The following RANBP2 variants were observed in gnomAD, a reference collection of about 807,000 sequenced individuals.
RANBP2 encodes RAN binding protein 2, also known as E3 SUMO-protein ligase RanBP2.
In RANBP2, 57 loss-of-function variants were observed where a neutral mutation model predicts 303.6. That is an observed-to-expected ratio of 0.19 (90% CI 0.15 to 0.23). The LOEUF is 0.23. Among genes scored for constraint, RANBP2 ranks in the 10% least tolerant of loss-of-function variants. The pLI, the probability that RANBP2 is intolerant of heterozygous loss-of-function variation, is 1.00. For synonymous variants in RANBP2, 1,167 were observed against 1,301.5 expected (o/e 0.90, Z 2.23); for missense variants, 3,138 against 3,780.8 (o/e 0.83, Z 4.46).
downstream of RANBP2, among the ~76,000 whole-genome samples, chr2:108,787,083 G>T (rs1678961388): frequency 6.6e-6 from 1 of 152,004 alleles, no homozygotes; most frequent in African/African-American, 2.4e-5. Context: ...AGGGGCGGGC[G>T]TTGCGCTGCG....
the RANBP2 span, among the ~76,000 whole-genome samples, chr2:109,680,033 A>AAAAAAT: frequency 3.4e-4 from 51 of 151,996 alleles, no homozygotes; most frequent in Non-Finnish European, 6.6e-4. Flanking sequence ...ACCTAGAGAG[A>AAAAAAT]AAAAATAAAA....
chr2:109,602,007 G>A, the RANBP2 span, among the ~76,000 whole-genome samples: 1 of 152,188 alleles, frequency 6.6e-6, no homozygotes, highest in East Asian at 1.9e-4. Context: ...GGCAGATTTT[G>A]ACACAAGGAA....
At chr2:108,786,682 TC>T (rs892526347), downstream of RANBP2, 1 of 731,642 alleles carries the variant, frequency 1.4e-6, no homozygotes, top group Non-Finnish European at 2.3e-6. Context: ...AGTCTCCGGG[TC>T]GCCCCGCCCC....
the RANBP2 span, among the ~76,000 whole-genome samples, chr2:108,887,777 A>G: frequency 6.6e-6 from 1 of 152,180 alleles, no homozygotes. Flanking sequence ...ATTTTGGTGG[A>G]GTATTAAGGT....
chr2:109,646,554 C>T, the RANBP2 span, among the ~76,000 whole-genome samples: 5 of 151,726 alleles, frequency 3.3e-5, no homozygotes, highest in African/African-American at 9.7e-5. Context: ...TGCAATGGCA[C>T]AATCTCGGCT....
chr2:109,417,352 C>A, the RANBP2 span, among the ~76,000 whole-genome samples: 1 of 152,168 alleles, frequency 6.6e-6, no homozygotes, highest in Non-Finnish European at 1.5e-5. Flanking sequence ...GGAAAGTGAT[C>A]CTGGCATTGT....
the RANBP2 span, among the ~76,000 whole-genome samples, chr2:109,117,578 T>C: frequency 6.6e-6 from 1 of 152,254 alleles, no homozygotes; most frequent in East Asian, 1.9e-4. Flanking sequence ...CTTGACCCCT[T>C]GCGCTTCCCG....
At chr2:108,998,597 T>G in the RANBP2 span, among the ~76,000 whole-genome samples, 1 of 152,166 alleles carries the variant, frequency 6.6e-6, no homozygotes, top group East Asian at 1.9e-4. Flanking sequence ...GACTTTCTCT[T>G]CCTCAACCCA....
the RANBP2 span, among the ~76,000 whole-genome samples, chr2:109,468,433 A>G: frequency 2.0e-5 from 3 of 152,364 alleles, no homozygotes; most frequent in South Asian, 6.2e-4. Context: ...GTGATCTGTC[A>G]TTGACCAAAA....
chr2:109,006,129 C>T, the RANBP2 span, among the ~76,000 whole-genome samples: 1 of 151,974 alleles, frequency 6.6e-6, no homozygotes, highest in African/African-American at 2.4e-5. Context: ...AATGTGAACG[C>T]GTGTGGAGTG....
chr2:109,258,567 A>G, the RANBP2 span, among the ~76,000 whole-genome samples: 17 of 152,284 alleles, frequency 1.1e-4, no homozygotes, highest in African/African-American at 3.6e-4. Flanking sequence ...TGTCCTCACT[A>G]GGAATCCAGT....
chr2:109,261,052 A>G, the RANBP2 span, among the ~76,000 whole-genome samples: 4 of 152,178 alleles, frequency 2.6e-5, no homozygotes, highest in Non-Finnish European at 5.9e-5. Context: ...GGTCAGTAGC[A>G]TGAGCACTTG....
At chr2:109,250,302 T>C in the RANBP2 span, among the ~76,000 whole-genome samples, 246 of 151,896 alleles carry the variant, frequency 1.6e-3, 2 homozygotes, top group African/African-American at 5.8e-3. Context: ...CATTGCTGGT[T>C]GGACAGAGCC....
At chr2:108,811,246 TC>T in the RANBP2 span, among the ~76,000 whole-genome samples, 356 of 15,032 alleles carry the variant, frequency 0.024, 26 homozygotes, top group African/African-American at 0.05. Context: ...TTTCTCTCTC[TC>T]TTTTTTTTTT....
At chr2:109,179,703 G>T in the RANBP2 span, among the ~76,000 whole-genome samples, 1 of 152,072 alleles carries the variant, frequency 6.6e-6, no homozygotes, top group Non-Finnish European at 1.5e-5. Flanking sequence ...CCATCATGGG[G>T]GCCCTACCCT....
intron 17 of RANBP2, among the ~76,000 whole-genome samples, chr2:108,755,923 C>T (rs1373830523): frequency 6.6e-6 from 1 of 152,076 alleles, no homozygotes; most frequent in Non-Finnish European, 1.5e-5. Flanking sequence ...AGAGTTTCAC[C>T]ATGTTGGCCA....
chr2:109,407,527 G>A, the RANBP2 span, among the ~76,000 whole-genome samples: 1 of 152,174 alleles, frequency 6.6e-6, no homozygotes, highest in Non-Finnish European at 1.5e-5. Flanking sequence ...AGCTGAAGGA[G>A]CTGAAGCAGG....
At chr2:108,882,153 CAAA>C in the RANBP2 span, 12 of 90,178 alleles carry the variant, frequency 1.3e-4, no homozygotes, top group African/African-American at 1.2e-4. Context: ...GACCCTGTCT[CAAA>C]AAAAAAAAAA....
chr2:108,730,815 A>G lies in RANBP2; in HGVS notation c.182A>G (p.Lys61Arg), dbSNP rs375559497. ...ATTAATGTGCAAGAGAGGGATCCCA[A>G]AGCTCACAGATTTCTGGGTCTTCTT... is the stretch of plus-strand genomic sequence containing the variant. ...TYINVQERDP[K>R]AHRFLGLLYE... Residue 61 changes from lysine (K) to arginine (R), a missense_variant, in exon 3 of 29, where the codon AAA (lysine) becomes AGA (arginine). Physicochemically the swap from Lys to Arg is conservative, Grantham distance 26. This residue lies in a region of RANBP2 where 306 missense variants were observed against 381.9 expected (regional missense o/e 0.80). Transcript: ENST00000283195. 7 of 1,611,686 alleles carry G rather than the reference A, an allele frequency of 4.3e-6. No homozygotes were observed. The highest frequency in any genetic ancestry group is 5.1e-6 in the Non-Finnish European group (6 of 1,179,660).
Sources: allele counts gnomAD v4.1 joint callset (sites outside exome capture counted in the v4.1 genomes callset), GRCh38; gene constraint gnomAD v4.1.1; regional missense constraint gnomAD v4.1.1; transcripts MANE v1.5; gene names NCBI Gene and HGNC (gene_info 2026-07-23, HGNC 2026-07-21).